The following PTPRM variants were observed in gnomAD, a reference collection of about 807,000 sequenced individuals.
PTPRM encodes the protein protein tyrosine phosphatase receptor type M.
A neutral mutation model predicts 186.7 loss-of-function variants in PTPRM; 47 were observed. The observed-to-expected ratio is 0.25, with a 90% CI of 0.20 to 0.32. The LOEUF is 0.32. Ranked by LOEUF, PTPRM falls within the 10% of genes least tolerant of loss-of-function variation. The pLI, the probability that PTPRM is intolerant of heterozygous loss-of-function variation, is 1.00. For synonymous variants in PTPRM, 668 were observed against 674.9 expected, an observed-to-expected ratio of 0.99 and a Z score of 0.16; for missense variants, 1,494 against 1,865.0, an observed-to-expected ratio of 0.80 and a Z score of 3.66.
chr18:8,227,055 G>A (rs1402570904), intron 14 of PTPRM, among the ~76,000 whole-genome samples: 7 of 152,194 alleles, frequency 4.6e-5, no homozygotes, highest in Admixed American at 4.6e-4. Flanking sequence ...TAGCTTATTA[G>A]CAACCTCAAT....
chr18:8,204,017 A>G (rs1048081224), intron 14 of PTPRM, among the ~76,000 whole-genome samples: 1 of 152,214 alleles, frequency 6.6e-6, no homozygotes, highest in African/African-American at 2.4e-5. Flanking sequence ...GGATTCACCT[A>G]AGCCACATGC....
chr18:7,990,097 T>A (rs906278335), intron 7 of PTPRM, among the ~76,000 whole-genome samples: 19 of 151,992 alleles, frequency 1.3e-4, no homozygotes, highest in African/African-American at 4.6e-4. Context: ...TGAGATAGAG[T>A]TTCACCATGT....
chr18:8,237,450 T>TTTTTTTTTTTC (rs2094358666), intron 14 of PTPRM, among the ~76,000 whole-genome samples: 1 of 134,324 alleles, frequency 7.4e-6, no homozygotes, highest in Non-Finnish European at 1.6e-5. Flanking sequence ...TTTTTTTTTT[T>TTTTTTTTTTTC]TTTTTTTTTT....
chr18:7,827,989 T>C (rs1294026598), intron 2 of PTPRM, among the ~76,000 whole-genome samples: 1 of 152,198 alleles, frequency 6.6e-6, no homozygotes, highest in Non-Finnish European at 1.5e-5. Context: ...TGGAGCAGTG[T>C]GAGAGTGGCT....
chr18:8,368,842 G>T (rs375003378), intron 23 of PTPRM, among the ~76,000 whole-genome samples: 2 of 152,220 alleles, frequency 1.3e-5, no homozygotes, highest in African/African-American at 4.8e-5. Context: ...AGGACACAGC[G>T]ATCAGGTGTT....
At chr18:7,877,876 T>C (rs572889125) in intron 2 of PTPRM, among the ~76,000 whole-genome samples, 2 of 152,280 alleles carry the variant, frequency 1.3e-5, no homozygotes, top group African/African-American at 4.8e-5. Context: ...GTCACAGAAC[T>C]AGCAAGTTTT....
At chr18:8,034,145 A>G (rs533039300) in intron 7 of PTPRM, among the ~76,000 whole-genome samples, 37 of 151,828 alleles carry the variant, frequency 2.4e-4, no homozygotes, top group African/African-American at 8.9e-4. Flanking sequence ...ACCTGTGTAA[A>G]GTTTTTTTTT....
At chr18:8,364,835 G>A (rs778750335) in intron 23 of PTPRM, 2 of 152,162 alleles carry the variant, frequency 1.3e-5, no homozygotes, top group Admixed American at 1.3e-4. Flanking sequence ...GAGCTAACAA[G>A]TACATTTCTT....
At chr18:7,868,047 A>T (rs965811570) in intron 2 of PTPRM, among the ~76,000 whole-genome samples, 10 of 152,098 alleles carry the variant, frequency 6.6e-5, no homozygotes, top group Non-Finnish European at 1.2e-4. Flanking sequence ...CAGCTCCATC[A>T]GGTCATTTAT....
chr18:7,642,221 A>G (rs1350775661), intron 1 of PTPRM, among the ~76,000 whole-genome samples: 1 of 152,208 alleles, frequency 6.6e-6, no homozygotes, highest in Admixed American at 6.5e-5. Context: ...GTTTTAGGCA[A>G]GAAGTTTCCA....
chr18:7,578,686 G>T (rs550189850), intron 1 of PTPRM, among the ~76,000 whole-genome samples: 36 of 149,214 alleles, frequency 2.4e-4, no homozygotes, highest in African/African-American at 8.9e-4. Context: ...TGCCTTGGCT[G>T]GTCTCAAAAC....
At chr18:8,252,834 T>C (rs2094540546) in intron 18 of PTPRM, among the ~76,000 whole-genome samples, 1 of 152,200 alleles carries the variant, frequency 6.6e-6, no homozygotes, top group Non-Finnish European at 1.5e-5. Context: ...ACAGAACATT[T>C]GTGCAGAGTT....
chr18:7,928,998 T>C (rs148984628), intron 5 of PTPRM, among the ~76,000 whole-genome samples: 298 of 152,332 alleles, frequency 2.0e-3, no homozygotes, highest in African/African-American at 6.4e-3. Flanking sequence ...CTGACTCTAC[T>C]ATAGAACAAC....
intron 1 of PTPRM, among the ~76,000 whole-genome samples, chr18:7,662,672 A>T (rs2039007106): frequency 6.6e-6 from 1 of 152,182 alleles, no homozygotes; most frequent in African/African-American, 2.4e-5. Flanking sequence ...ATTATAATCA[A>T]TAATAATTTA....
chr18:8,297,302 T>G (rs2147887118), intron 20 of PTPRM, among the ~76,000 whole-genome samples: 1 of 152,376 alleles, frequency 6.6e-6, no homozygotes, highest in Non-Finnish European at 1.5e-5. Context: ...TCTCATTTCT[T>G]ACGAGAGAAC....
chr18:7,595,667 A>G (rs996023404), intron 1 of PTPRM, among the ~76,000 whole-genome samples: 13 of 152,232 alleles, frequency 8.5e-5, no homozygotes, highest in African/African-American at 3.1e-4. Flanking sequence ...ACAGACTTCA[A>G]TAGTAATGTT....
intron 11 of PTPRM, among the ~76,000 whole-genome samples, chr18:8,095,845 A>G (rs2090990597): frequency 6.6e-6 from 1 of 152,196 alleles, no homozygotes; most frequent in South Asian, 2.1e-4. Flanking sequence ...TAAAGTGAAT[A>G]CTAGAACGCT....
intron 2 of PTPRM, among the ~76,000 whole-genome samples, chr18:7,843,417 T>C (rs997994201): frequency 6.6e-5 from 10 of 152,202 alleles, no homozygotes; most frequent in African/African-American, 2.4e-4. Context: ...GATTCTGCAT[T>C]CTTTAATTGC....
At chr18:7,726,716 G>T (rs2040556955) in intron 1 of PTPRM, among the ~76,000 whole-genome samples, 1 of 152,198 alleles carries the variant, frequency 6.6e-6, no homozygotes, top group African/African-American at 2.4e-5. Flanking sequence ...GCAGAATGGT[G>T]TTCCAAACTG....
Sources: allele counts gnomAD v4.1 joint callset (sites outside exome capture counted in the v4.1 genomes callset), GRCh38; gene constraint gnomAD v4.1.1; transcripts MANE v1.5; gene names NCBI Gene and HGNC (gene_info 2026-07-23, HGNC 2026-07-21).